Variants in KLHL14 observed in about 807,000 individuals in gnomAD.
The protein encoded by KLHL14 is kelch like family member 14.
KLHL14 carries 22 observed loss-of-function variants against 64.3 expected under a neutral mutation model. That is an observed-to-expected ratio of 0.34 (90% confidence interval 0.24 to 0.49). The LOEUF is 0.49. Among genes scored for constraint, KLHL14 ranks in the 20% least tolerant of loss-of-function variants. The pLI, the probability that KLHL14 is intolerant of heterozygous loss-of-function variation, is 0.99. For missense variants in KLHL14, 661 were observed against 789.0 expected, an observed-to-expected ratio of 0.84 and a Z score of 1.94; for synonymous variants, 322 against 333.4, an observed-to-expected ratio of 0.97 and a Z score of 0.37.
At chr18:32,765,202 C>T (rs551052141) in intron 2 of KLHL14, among the ~76,000 whole-genome samples, 1 of 152,312 alleles carries the variant, frequency 6.6e-6, no homozygotes, top group East Asian at 1.9e-4. Context: ...AGTGCGTCAA[C>T]ATCACCTGTT....
At position 32,673,587 on chromosome 18, in the gene KLHL14, G is replaced by T. The variant is rs2049796345; in HGVS notation, c.*1070C>A. On this transcript the variant is annotated 3_prime_UTR_variant, in exon 9 of 9. Coordinates refer to ENST00000359358, the MANE Select transcript of KLHL14 (RefSeq NM_020805.3). ...TGGGGGAATAACGATCGTAAGTCAA[G>T]TGTCTAGAGGCACCCGAAGGTGAGG... 1 of 152,202 alleles carries T rather than the reference G, an allele frequency of 6.6e-6. No individual in the cohort carries two copies. Among genetic ancestry groups the T allele is most frequent in the African/African-American group, 2.4e-5 (1 of 41,460 alleles). 9.4% of individuals were successfully genotyped at this position (152,202 alleles called of 1,614,324 possible). A position where few individuals can be genotyped will look rare whatever the true frequency, so the allele number is the denominator to read the frequency against.
chr18:32,684,834 C>T (rs1360776303), intron 5 of KLHL14, among the ~76,000 whole-genome samples: 1 of 152,064 alleles, frequency 6.6e-6, no homozygotes, highest in Non-Finnish European at 1.5e-5. Context: ...TTAATCTACA[C>T]TGGTAACTGA....
intron 2 of KLHL14, among the ~76,000 whole-genome samples, chr18:32,761,828 TTC>T (rs1403488335): frequency 6.6e-6 from 1 of 152,186 alleles, no homozygotes; most frequent in Non-Finnish European, 1.5e-5. Context: ...ATAGCACAAC[TTC>T]TGATTAGTAG....
At position 32,680,111 on chromosome 18, in the gene KLHL14, G is replaced by A; in HGVS notation, c.1588+58C>T. On this transcript the variant is annotated intron_variant, in intron 7 of 8. Coordinates refer to ENST00000359358, the MANE Select transcript of KLHL14 (RefSeq NM_020805.3). This position sits in a 1 kb window ranked among gnomAD's most constrained non-coding sequence, Gnocchi z 4.8. ...TTATCTAAGGAGAAACCCCCTTAGCGAGAAATATGAGGTGCAAATGTTATT... is the reference window on the plus strand; with the variant it reads ...TTATCTAAGGAGAAACCCCCTTAGCAAGAAATATGAGGTGCAAATGTTATT... The A allele has an allele frequency of 3.2e-6, 5 of 1,545,912 alleles. No homozygotes were observed. The highest frequency in any genetic ancestry group is 2.3e-5 in the South Asian group (2 of 85,784).
chr18:32,743,317 G>C (rs1288889315), intron 2 of KLHL14: 2 of 152,250 alleles, frequency 1.3e-5, no homozygotes, highest in Non-Finnish European at 2.9e-5. Context: ...AATGCTTGGC[G>C]AAGTATGCCC....
At chr18:32,699,708 T>G (rs187866743) in intron 3 of KLHL14, among the ~76,000 whole-genome samples, 3 of 152,260 alleles carry the variant, frequency 2.0e-5, no homozygotes, top group Admixed American at 6.5e-5. Context: ...TTTCTGAAAT[T>G]TGTGTATAAT....
At chr18:32,752,955 TTGTGTGTGTGTGTGTG>T (rs71177874) in intron 2 of KLHL14, among the ~76,000 whole-genome samples, 7 of 142,382 alleles carry the variant, frequency 4.9e-5, no homozygotes, top group South Asian at 2.4e-4. Flanking sequence ...AGCATCATAT[TTGTGTGTGTGTGTGTG>T]TGTGTGTGTG....
chr18:32,680,430 T>C lies in KLHL14; in HGVS notation c.1408A>G (p.Asn470Asp), dbSNP rs1164268429. 29 of 1,613,978 alleles carry C rather than the reference T, an allele frequency of 1.8e-5. No homozygotes were observed. The highest frequency in any genetic ancestry group is 2.4e-5 in the Non-Finnish European group (28 of 1,179,888). ...TTGCCTGAAATGTATATTTTCCCAT[T>C]GTGCACTGCTCCCGCATGAGCCGCC... is the stretch of plus-strand genomic sequence containing the variant. ...PLAAHAGAVH[N>D]GKIYISGGVH... The change falls in exon 6 of 9, where the codon AAT (asparagine) becomes GAT (aspartate). Residue 470 changes from asparagine to aspartate, a missense_variant. Transcript: ENST00000359358. This position sits in a 1 kb window ranked among gnomAD's most constrained non-coding sequence, Gnocchi z 4.8.
At chr18:32,753,364 C>T (rs2050266192) in intron 2 of KLHL14, among the ~76,000 whole-genome samples, 1 of 152,152 alleles carries the variant, frequency 6.6e-6, no homozygotes, top group African/African-American at 2.4e-5. Flanking sequence ...TTACACATTG[C>T]AATTTTGATT....
intron 3 of KLHL14, among the ~76,000 whole-genome samples, chr18:32,736,381 A>AT (rs2144524997): frequency 6.6e-6 from 1 of 152,260 alleles, no homozygotes; most frequent in Admixed American, 6.5e-5. Flanking sequence ...TAACATATTT[A>AT]AAAAGTCCAA....
rs113395349 is a variant in KLHL14, at chr18:32,711,283, A to G, written c.1070-15731T>C. 9.8e-3 allele frequency among the ~76,000 whole-genome samples: 1,494 copies of G among 152,280 alleles called. 26 individuals are homozygous for G. The highest frequency in any genetic ancestry group is 0.029 in the African/African-American group (1,223 of 41,554). On this transcript the variant is annotated intron_variant, in intron 3 of 8. Transcript: ENST00000359358. ...GAAAAAGACCATTAATTGGCACGTG[A>G]CAGTGGGTATATGTAGCATTTGGGG...
chr18:32,687,059 C>T, intron 5 of KLHL14, 96 bp downstream of exon 5: 2 of 987,780 alleles, frequency 2.0e-6, no homozygotes, highest in East Asian at 2.4e-5. Context: ...CTTTCATTGA[C>T]TCTATTTAGC....
intron 2 of KLHL14, among the ~76,000 whole-genome samples, chr18:32,751,402 C>G (rs762591937): frequency 1.2e-4 from 18 of 152,118 alleles, no homozygotes; most frequent in Non-Finnish European, 2.4e-4. Flanking sequence ...TAGGTAAACA[C>G]AAAGTATCAT....
Position 32,683,311 on chromosome 18 carries a change from C to T in KLHL14, c.1239-2712G>A, listed in dbSNP as rs1334198365. ...AGATTTCACTTCCTGATGACAAGTG[C>T]ATTTTTAGGTAGAAATTCCAATAGT... On this transcript the variant is annotated intron_variant, in intron 5 of 8. Coordinates refer to ENST00000359358, the MANE Select transcript of KLHL14 (RefSeq NM_020805.3). The surrounding 1 kb of genome is among the most constrained non-coding windows in gnomAD (Gnocchi z 4.2). Among the ~76,000 whole-genome samples the T allele has an allele frequency of 2.0e-5, 3 of 152,112 alleles. No homozygotes were observed. The highest frequency in any genetic ancestry group is 1.9e-4 in the East Asian group (1 of 5,182).
intron 3 of KLHL14, among the ~76,000 whole-genome samples, chr18:32,719,358 T>C (rs2050064094): frequency 1.3e-5 from 2 of 152,252 alleles, no homozygotes; most frequent in Non-Finnish European, 2.9e-5. Context: ...CTTTAGAATT[T>C]TTGAACTTGA....
At chr18:32,736,277 T>A (rs749826923) in intron 3 of KLHL14, among the ~76,000 whole-genome samples, 9 of 152,232 alleles carry the variant, frequency 5.9e-5, no homozygotes, top group Non-Finnish European at 1.3e-4. Flanking sequence ...CACTGGTGCA[T>A]GAATACACAG....
intron 3 of KLHL14, among the ~76,000 whole-genome samples, chr18:32,699,836 G>C (rs952769841): frequency 6.6e-6 from 1 of 151,946 alleles, no homozygotes; most frequent in Non-Finnish European, 1.5e-5. Context: ...TGAATAGCTG[G>C]TTTCCTTAAA....
At chr18:32,757,374 C>T (rs1428325667) in intron 2 of KLHL14, among the ~76,000 whole-genome samples, 2 of 152,238 alleles carry the variant, frequency 1.3e-5, no homozygotes, top group Middle Eastern at 3.4e-3. Flanking sequence ...TTAGCTTTTC[C>T]GTGTCGGAAT....
chr18:32,747,563 A>C (rs2050229881), intron 2 of KLHL14, among the ~76,000 whole-genome samples: 1 of 152,216 alleles, frequency 6.6e-6, no homozygotes. Context: ...CTAATCTGAC[A>C]GGAGGCAGAG....
Sources: gnomAD v4.1 joint callset for allele counts (sites outside exome capture counted in the v4.1 genomes callset) on GRCh38, gnomAD v4.1.1 for gene constraint, Gnocchi (gnomAD v3.1) non-coding constraint, MANE v1.5 for transcripts, NCBI Gene and HGNC (gene_info 2026-07-23, HGNC 2026-07-21) for gene names.